IL1RAPL1: variants seen among roughly 807,000 people sequenced by gnomAD.
The protein encoded by IL1RAPL1 is interleukin-1 receptor accessory protein-like 1.
A neutral mutation model predicts 48.4 loss-of-function variants in IL1RAPL1; 3 were observed. The observed-to-expected ratio is 0.06, with a 90% CI of 0.03 to 0.16. IL1RAPL1 has a LOEUF of 0.16. IL1RAPL1 is among the 10% of genes least tolerant of loss of function. The pLI, the probability that IL1RAPL1 is intolerant of heterozygous loss-of-function variation, is 1.00. For missense variants in IL1RAPL1, 349 were observed against 530.6 expected (o/e 0.66, Z 3.36); for synonymous variants, 185 against 187.7 (o/e 0.99, Z 0.12).
At chrX:28,738,713 A>G (rs1330547190) in intron 1 of IL1RAPL1, among the ~76,000 whole-genome samples, 1 of 111,531 alleles carries the variant, frequency 9.0e-6, no homozygotes, top group Non-Finnish European at 1.9e-5. Flanking sequence ...TTAGTGCAAG[A>G]TGGAGTTAGA....
chrX:29,005,910 T>G (rs1449878881), intron 2 of IL1RAPL1, among the ~76,000 whole-genome samples: 1 of 112,005 alleles, frequency 8.9e-6, no homozygotes, highest in African/African-American at 3.2e-5. Flanking sequence ...ATCTACCAAA[T>G]GAATTTACTA....
chrX:28,962,501 C>T (rs1421127671), intron 2 of IL1RAPL1, among the ~76,000 whole-genome samples: 1 of 111,066 alleles, frequency 9.0e-6, no homozygotes, highest in African/African-American at 3.3e-5. Flanking sequence ...ATTTTTTTCT[C>T]CCAAAAATTA....
At chrX:29,618,838 T>C (rs925016362) in intron 5 of IL1RAPL1, among the ~76,000 whole-genome samples, 4 of 112,061 alleles carry the variant, frequency 3.6e-5, no homozygotes, top group South Asian at 3.7e-4. Flanking sequence ...ATGAAGTCAT[T>C]ATCTTAATCT....
intron 3 of IL1RAPL1, among the ~76,000 whole-genome samples, chrX:29,395,077 A>T (rs1180633710): frequency 8.9e-6 from 1 of 111,787 alleles, no homozygotes; most frequent in Non-Finnish European, 1.9e-5. Flanking sequence ...CACAAAGAGG[A>T]ACCAGCAGTA....
chrX:29,906,953 A>ATGACTC (rs1303360726), intron 6 of IL1RAPL1, among the ~76,000 whole-genome samples: 1 of 111,397 alleles, frequency 9.0e-6, no homozygotes, highest in African/African-American at 3.3e-5. Context: ...TCTAAGCCAT[A>ATGACTC]TGACTCTAAG....
At chrX:29,665,143 A>G (rs186522987) in intron 5 of IL1RAPL1, among the ~76,000 whole-genome samples, 1 of 112,627 alleles carries the variant, frequency 8.9e-6, no homozygotes, top group East Asian at 2.8e-4. Context: ...AAATATGATT[A>G]GGATTTAAAA....
chrX:29,558,309 A>C (rs917908652), intron 5 of IL1RAPL1, among the ~76,000 whole-genome samples: 1 of 111,757 alleles, frequency 8.9e-6, no homozygotes, highest in Non-Finnish European at 1.9e-5. Context: ...CTTTTCATCT[A>C]CCTGTTGATC....
chrX:28,723,978 T>A (rs1406766019), intron 1 of IL1RAPL1, among the ~76,000 whole-genome samples: 2 of 111,917 alleles, frequency 1.8e-5, no homozygotes, highest in Non-Finnish European at 3.8e-5. Flanking sequence ...ATAATTTCTG[T>A]TCTTTTACAT....
At chrX:29,064,368 T>C (rs1882601646) in intron 2 of IL1RAPL1, among the ~76,000 whole-genome samples, 1 of 111,313 alleles carries the variant, frequency 9.0e-6, no homozygotes, top group Non-Finnish European at 1.9e-5. Context: ...ATGAAGTCCT[T>C]GTTTTTTTAT....
At chrX:29,936,370 C>A (rs975123614) in intron 8 of IL1RAPL1, among the ~76,000 whole-genome samples, 1 of 111,152 alleles carries the variant, frequency 9.0e-6, no homozygotes, top group Non-Finnish European at 1.9e-5. Flanking sequence ...ATTTTCCCCA[C>A]AAACTTGCAT....
At chrX:29,100,041 G>A (rs1311418114) in intron 2 of IL1RAPL1, among the ~76,000 whole-genome samples, 2 of 109,483 alleles carry the variant, frequency 1.8e-5, no homozygotes, top group African/African-American at 6.6e-5. Flanking sequence ...GTGAAACCCC[G>A]TCTCTATTAA....
At chrX:28,764,610 A>C (rs1360223490) in intron 1 of IL1RAPL1, among the ~76,000 whole-genome samples, 1 of 106,194 alleles carries the variant, frequency 9.4e-6, no homozygotes, top group East Asian at 3.0e-4. Context: ...ACATATTTGC[A>C]TGATACTAGC....
chrX:29,334,761 G>C (rs1451733200), intron 3 of IL1RAPL1, among the ~76,000 whole-genome samples: 1 of 107,018 alleles, frequency 9.3e-6, no homozygotes, highest in East Asian at 3.0e-4. Context: ...ATGGGATGGC[G>C]GCCGGGCAGA....
chrX:29,210,690 C>T (rs189374013), intron 2 of IL1RAPL1, among the ~76,000 whole-genome samples: 3 of 111,709 alleles, frequency 2.7e-5, no homozygotes, highest in African/African-American at 9.7e-5. Flanking sequence ...TTTCTCTAAG[C>T]TCGCATGATA....
At chrX:29,129,690 G>A (rs1285993071) in intron 2 of IL1RAPL1, among the ~76,000 whole-genome samples, 1 of 100,031 alleles carries the variant, frequency 1.0e-5, no homozygotes, top group African/African-American at 3.6e-5. Flanking sequence ...CACCTCCTGG[G>A]TTCACGCCAT....
At chrX:28,901,737 T>C (rs1474084096) in intron 2 of IL1RAPL1, among the ~76,000 whole-genome samples, 1 of 111,972 alleles carries the variant, frequency 8.9e-6, no homozygotes, top group Admixed American at 9.5e-5. Flanking sequence ...CATAAAACTT[T>C]AATTTGTTTT....
chrX:29,194,613 A>G (rs1930409543), intron 2 of IL1RAPL1, among the ~76,000 whole-genome samples: 1 of 112,374 alleles, frequency 8.9e-6, no homozygotes, highest in Admixed American at 9.5e-5. Context: ...TTTCAGGTAA[A>G]AATATTTAAA....
intron 2 of IL1RAPL1, among the ~76,000 whole-genome samples, chrX:29,217,204 G>T (rs1210411386): frequency 8.9e-6 from 1 of 112,047 alleles, no homozygotes; most frequent in Non-Finnish European, 1.9e-5. Context: ...TGATTGAATT[G>T]TTTATTTTAC....
intron 2 of IL1RAPL1, among the ~76,000 whole-genome samples, chrX:29,139,669 C>T (rs1929207737): frequency 9.0e-6 from 1 of 111,403 alleles, no homozygotes; most frequent in Non-Finnish European, 1.9e-5. Flanking sequence ...GTATCTTCTT[C>T]ATTCTTGAGT....
Sources: allele counts gnomAD v4.1 joint callset (sites outside exome capture counted in the v4.1 genomes callset), GRCh38; gene constraint gnomAD v4.1.1; transcripts MANE v1.5; gene names NCBI Gene and HGNC (gene_info 2026-07-23, HGNC 2026-07-21).